KMT2C: variants seen among roughly 807,000 people sequenced by gnomAD.
The protein encoded by KMT2C is lysine methyltransferase 2C.
Under a neutral mutation model 507.9 loss-of-function variants are expected in KMT2C, and 88 were observed. The observed-to-expected ratio is 0.17, with a 90% CI of 0.15 to 0.21. KMT2C has a LOEUF of 0.21. Among genes scored for constraint, KMT2C ranks in the 10% least tolerant of loss-of-function variants. The pLI is 1.00. For missense variants in KMT2C, 4,954 were observed against 5,957.8 expected, an observed-to-expected ratio of 0.83 and a Z score of 5.55; for synonymous variants, 2,049 against 2,080.8, an observed-to-expected ratio of 0.98 and a Z score of 0.42.
chr7:152,176,578 C>G lies in KMT2C; in HGVS notation c.8875G>C (p.Ala2959Pro), dbSNP rs1269669173. ...NHVSSLPPFI[A>P]PPGRVLDNAM... ...TTATCCAAAACACGGCCAGGCGGTG[C>G]TATGAAAGGAGGCAAACTTGACACA... The change falls in exon 38 of 59, where the codon GCA becomes CCA. Residue 2959 changes from alanine to proline, a missense_variant. Ala to Pro is a conservative substitution (Grantham distance 27, BLOSUM62 -1). This residue lies in a region of KMT2C where 1,689 missense variants were observed against 1,654.3 expected (regional missense o/e 1.02). Coordinates refer to ENST00000262189, the MANE Select transcript of KMT2C (RefSeq NM_170606.3). 1.9e-6 allele frequency: 3 copies of G among 1,614,132 alleles called. No homozygotes were observed. The highest frequency in any genetic ancestry group is 2.2e-5 in the East Asian group (1 of 44,878).
intron 6 of KMT2C, among the ~76,000 whole-genome samples, chr7:152,308,990 C>A (rs1351612771): frequency 6.6e-6 from 1 of 152,100 alleles, no homozygotes; most frequent in East Asian, 1.9e-4. Context: ...GCAGACTATG[C>A]ACATATTACT....
At chr7:152,198,390 T>A (rs986122333) in intron 27 of KMT2C, among the ~76,000 whole-genome samples, 3 of 152,206 alleles carry the variant, frequency 2.0e-5, no homozygotes, top group Non-Finnish European at 2.9e-5. Context: ...CCAAAGTCAT[T>A]TTTCAGTGGA....
chr7:152,352,017 C>T (rs764318639), intron 2 of KMT2C, among the ~76,000 whole-genome samples: 1 of 152,142 alleles, frequency 6.6e-6, no homozygotes, highest in Non-Finnish European at 1.5e-5. Flanking sequence ...GCTGGTGAGC[C>T]GGGCAGAACA....
chr7:152,333,579 C>G (rs1164717998), intron 2 of KMT2C, among the ~76,000 whole-genome samples: 1 of 152,210 alleles, frequency 6.6e-6, no homozygotes, highest in Non-Finnish European at 1.5e-5. Flanking sequence ...AGCTTGAACA[C>G]TAAATTTCAC....
chr7:152,207,251 A>C (rs746046308), intron 24 of KMT2C, 49 bp downstream of exon 24: 10 of 1,328,418 alleles, frequency 7.5e-6, no homozygotes, highest in African/African-American at 5.9e-5. Context: ...ATTTTTCTTT[A>C]ATTAACCAAG....
chr7:152,249,773 G>T, intron 13 of KMT2C, 103 bp downstream of exon 13: 1 of 252,340 alleles, frequency 4.0e-6, no homozygotes, highest in South Asian at 6.8e-5. Flanking sequence ...AAAAGATTTA[G>T]TTACCGTAAT....
At chr7:152,327,942 A>G (rs779624027) in intron 3 of KMT2C, among the ~76,000 whole-genome samples, 3 of 144,848 alleles carry the variant, frequency 2.1e-5, no homozygotes, top group Non-Finnish European at 4.5e-5. Flanking sequence ...TGGGCAACAG[A>G]GCGAGACTCC....
chr7:152,434,243 T>C (rs1218741723), intron 1 of KMT2C, among the ~76,000 whole-genome samples: 2 of 152,220 alleles, frequency 1.3e-5, no homozygotes, highest in South Asian at 2.1e-4. Flanking sequence ...AACAAGCTAA[T>C]GTAATAATGT....
chr7:152,239,847 T>C (rs1335074522), intron 14 of KMT2C, among the ~76,000 whole-genome samples: 4 of 152,232 alleles, frequency 2.6e-5, no homozygotes, highest in African/African-American at 9.6e-5. Context: ...ACCAGGTTTC[T>C]AGAATATCAT....
Position 152,346,999 on chromosome 7 carries a change from T to C in KMT2C, c.250+11588A>G, listed in dbSNP as rs145644147. 5.1e-4 allele frequency among the ~76,000 whole-genome samples: 77 copies of C among 152,162 alleles called. 1 individual carries two copies. The highest frequency in any genetic ancestry group is 1.9e-3 in the Admixed American group (29 of 15,286). On this transcript the variant is annotated intron_variant, in intron 2 of 58. Coordinates refer to ENST00000262189, the MANE Select transcript of KMT2C (RefSeq NM_170606.3). ...AAACTTAGCTGGGCGTGGTGGCATG[T>C]GCCTATAATCCCAGCTCAGGAGGCT...
rs761433319 is a variant in KMT2C at position 152,205,208 on chromosome 7, C to A, written c.3859G>T (p.Val1287Leu). The change falls in exon 25 of 59, where the codon GTG (valine) becomes TTG (leucine). Residue 1287 changes from valine (V) to leucine (L), a missense_variant. By Grantham distance (32) the Val-to-Leu change is conservative. Transcript: ENST00000262189. ...TGCCCAGTTCGACTTCTTTGCCGCA[C>A]CATAAATCCACCAATACCTATCCAA... ...PYRPGIGGFM[V>L]RQRSRTGQGK... 6 of 1,610,794 alleles carry A rather than the reference C, an allele frequency of 3.7e-6. No homozygotes were observed. The highest frequency in any genetic ancestry group is 5.1e-6 in the Non-Finnish European group (6 of 1,178,848).
Position 152,230,211 on chromosome 7 carries a change from A to G in KMT2C, c.2871+9T>C, listed in dbSNP as rs1311402930. 2 of 1,507,472 alleles carry G rather than the reference A, an allele frequency of 1.3e-6. No individual in the cohort carries two copies. The highest frequency in any genetic ancestry group is 1.4e-5 in the African/African-American group (1 of 72,218). The allele number at this position is 1,507,472 out of a possible 1,614,324, so 93.4% of individuals were successfully genotyped here. A position where few individuals can be genotyped will look rare whatever the true frequency, so the allele number is the denominator to read the frequency against. On this transcript the variant is annotated intron_variant, in intron 17 of 58. Coordinates refer to ENST00000262189, the MANE Select transcript of KMT2C (RefSeq NM_170606.3). ...CAATGAGGAAGACAGTAAATTGTCA[A>G]GTTCAAACCTGATTCAAAGTGAACT...
intron 50 of KMT2C, 109 bp from the exon 51 acceptor site, chr7:152,151,116 T>A: frequency 1.5e-6 from 1 of 689,218 alleles, no homozygotes; most frequent in South Asian, 1.9e-5. Flanking sequence ...TGGTTCTTTA[T>A]CTTAATAGTA....
intron 6 of KMT2C, among the ~76,000 whole-genome samples, chr7:152,298,493 T>C (rs527806332): frequency 5.3e-4 from 80 of 152,116 alleles, no homozygotes; most frequent in Non-Finnish European, 9.0e-4. Flanking sequence ...CAGCAGTACA[T>C]CTCTAAAGTT....
At position 152,162,634 on chromosome 7, in the gene KMT2C, G is replaced by A. The variant is rs2129103902; in HGVS notation, c.10943C>T (p.Thr3648Ile). ...SETTSTPAVS[T>I]PSELPQQADQ... is the part of the protein sequence containing the mutation. Reference sequence around the variant, plus strand: ...GGCTTGTTGAGGAAGCTCACTGGGTGTGCTCACTGCAGGAGTAGAGGTAGT... The same window carrying A: ...GGCTTGTTGAGGAAGCTCACTGGGTATGCTCACTGCAGGAGTAGAGGTAGT... Residue 3648 changes from threonine (T) to isoleucine (I), a missense_variant, in exon 43 of 59, where the codon ACA (threonine) becomes ATA (isoleucine). Transcript: ENST00000262189. 1 of 1,614,234 alleles carries A rather than the reference G, an allele frequency of 6.2e-7. No homozygotes were observed. The highest frequency in any genetic ancestry group is 8.5e-7 in the Non-Finnish European group (1 of 1,180,030).
chr7:152,194,554 T>G lies in KMT2C; in HGVS notation c.4393A>C (p.Thr1465Pro), dbSNP rs1383716454. ...TGAGGCAAAGAGGAAGGATCATCAG[T>G]GACAGGACCAATATCTACAAGAGTA... is the stretch of plus-strand genomic sequence containing the variant. ...SVDHSDIGPV[T>P]DDPSSLPQPN... Residue 1465 changes from threonine (T) to proline (P), a missense_variant, in exon 29 of 59, where the codon ACT becomes CCT. By Grantham distance (38) the Thr-to-Pro change is conservative. Around this residue, in one of 29 missense-constraint regions of KMT2C, gnomAD observed 140 missense variants for 118.4 expected, o/e 1.18. Coordinates refer to ENST00000262189, the MANE Select transcript of KMT2C (RefSeq NM_170606.3). 6.2e-7 allele frequency: 1 copy of G among 1,612,578 alleles called. No individual in the cohort carries two copies. Among genetic ancestry groups the G allele is most frequent in the Admixed American group, 1.7e-5 (1 of 59,982 alleles).
At chr7:152,370,664 A>G (rs1008180157) in intron 1 of KMT2C, among the ~76,000 whole-genome samples, 1 of 152,224 alleles carries the variant, frequency 6.6e-6, no homozygotes, top group African/African-American at 2.4e-5. Context: ...AATATACCAC[A>G]CCATGTAGGG....
intron 6 of KMT2C, among the ~76,000 whole-genome samples, chr7:152,275,611 A>ATC: frequency 6.6e-6 from 1 of 152,284 alleles, no homozygotes; most frequent in East Asian, 1.9e-4. Context: ...TTCATTGATA[A>ATC]AGTGTAATAA....
rs772959558 is a variant in KMT2C, at chr7:152,136,478, A to G, written c.*354T>C. The G allele has an allele frequency of 1.3e-4, 35 of 265,446 alleles. No homozygotes were observed. The highest frequency in any genetic ancestry group is 1.1e-3 in the Middle Eastern group (1 of 876). The allele number at this position is 265,446 out of a possible 1,614,324, so 16.4% of individuals were successfully genotyped here. On this transcript the variant is annotated 3_prime_UTR_variant, in exon 59 of 59. Transcript: ENST00000262189. Reference sequence around the variant, plus strand: ...GCAGCCATCGGCTCTTTGCCCCAGTAAAAGTTTCTCCTTAGTGAGACTAGA... The same window carrying G: ...GCAGCCATCGGCTCTTTGCCCCAGTGAAAGTTTCTCCTTAGTGAGACTAGA...
Sources: gnomAD v4.1 joint callset for allele counts (sites outside exome capture counted in the v4.1 genomes callset) on GRCh38, gnomAD v4.1.1 for gene constraint, gnomAD v4.1.1 regional missense constraint, MANE v1.5 for transcripts, NCBI Gene and HGNC (gene_info 2026-07-23, HGNC 2026-07-21) for gene names.